Variants in FRMPD2 observed in about 807,000 individuals in gnomAD.
The protein encoded by FRMPD2 is FERM and PDZ domain containing 2.
FRMPD2 carries 96 observed loss-of-function variants against 140.1 expected under a neutral mutation model. The ratio of observed to expected loss-of-function variants is 0.69; its 90% confidence interval spans 0.58 to 0.81. FRMPD2 has a LOEUF of 0.81. Ranked by LOEUF, FRMPD2 falls within the 40% of genes least tolerant of loss-of-function variation. The pLI is 0.00. For synonymous variants in FRMPD2, 449 were observed against 547.6 expected (o/e 0.82, Z 2.52); for missense variants, 1,240 against 1,447.4 (o/e 0.86, Z 2.32).
At chr10:48,206,091 G>T (rs1326211842) in intron 14 of FRMPD2, among the ~76,000 whole-genome samples, 2 of 152,206 alleles carry the variant, frequency 1.3e-5, no homozygotes, top group African/African-American at 4.8e-5. Context: ...ACAGGCAGAG[G>T]CTGTCAGCCA....
rs1838455696 is a variant in FRMPD2, at chr10:48,178,138, G to A, written c.2804C>T (p.Ser935Phe). Reference protein sequence around the residue: ...SFLPLKGAGSSCPPSPPEISA... With the variant: ...SFLPLKGAGSFCPPSPPEISA... ...GATTTCTGGAGGTGATGGAGGACAA[G>A]AAGAACCAGCACCCTGCCATAAACA... The change falls in exon 22 of 29, where the codon TCT (serine) becomes TTT (phenylalanine). Residue 935 changes from serine to phenylalanine, a missense_variant. By Grantham distance (155) the Ser-to-Phe change is radical (BLOSUM62 -2). Transcript: ENST00000374201. The A allele has an allele frequency of 2.0e-6, 3 of 1,531,554 alleles. No homozygotes were observed. The highest frequency in any genetic ancestry group is 4.5e-5 in the East Asian group (2 of 44,454). The allele number at this position is 1,531,554 out of a possible 1,614,324, so 94.9% of individuals were successfully genotyped here. A position where few individuals can be genotyped will look rare whatever the true frequency, so the allele number is the denominator to read the frequency against.
At chr10:48,213,547 T>A (rs1253037124) in intron 12 of FRMPD2, among the ~76,000 whole-genome samples, 1 of 152,234 alleles carries the variant, frequency 6.6e-6, no homozygotes, top group African/African-American at 2.4e-5. Context: ...AACAGCCTTA[T>A]TCATAATTGC....
At chr10:48,201,080 T>C in intron 15 of FRMPD2, 148 bp downstream of exon 15, 1 of 511,018 alleles carries the variant, frequency 2.0e-6, no homozygotes, top group Middle Eastern at 4.9e-4. Flanking sequence ...AATAAAACTG[T>C]ATTTCATTTT....
chr10:48,204,199 T>C (rs1839151071), intron 14 of FRMPD2, among the ~76,000 whole-genome samples: 1 of 152,186 alleles, frequency 6.6e-6, no homozygotes, highest in South Asian at 2.1e-4. Flanking sequence ...AATGAAAAAC[T>C]ATAATTTAGT....
Position 48,180,948 on chromosome 10 carries a change from GA to G in FRMPD2, c.2644del (p.Ser882LeufsTer5). ...GTACCCGAAGCTCAGGATGTCTGTA[GA>G]GGAGACCCCAGAATTGGCTGTGCTA... Reference protein sequence around the residue: ...KNSTANSGVSSTDILSFGYQG... With the variant: ...KNSTANSGVSXTDILSFGYQG... On this transcript the variant is annotated frameshift_variant, in exon 21 of 29. Coordinates refer to ENST00000374201, the MANE Select transcript of FRMPD2 (RefSeq NM_001018071.4). LOFTEE classifies it high-confidence loss of function. The G allele has an allele frequency of 1.0e-6, 1 of 976,736 alleles. No homozygotes were observed. The highest frequency in any genetic ancestry group is 1.7e-6 in the Non-Finnish European group (1 of 602,300). 60.5% of individuals were successfully genotyped at this position (976,736 alleles called of 1,614,324 possible). A position where few individuals can be genotyped will look rare whatever the true frequency, so the allele number is the denominator to read the frequency against.
chr10:48,260,305 T>A (rs1840563014), intron 1 of FRMPD2, among the ~76,000 whole-genome samples: 1 of 151,964 alleles, frequency 6.6e-6, no homozygotes, highest in African/African-American at 2.4e-5. Flanking sequence ...ACCCAGGAAA[T>A]GCAATGGTAT....
At chr10:48,264,787 T>C (rs1445899895) in intron 1 of FRMPD2, among the ~76,000 whole-genome samples, 1 of 152,086 alleles carries the variant, frequency 6.6e-6, no homozygotes, top group Non-Finnish European at 1.5e-5. Context: ...AACAACTAAT[T>C]CTAAAGTTTA....
At chr10:48,257,604 G>A (rs185441078) in intron 1 of FRMPD2, among the ~76,000 whole-genome samples, 78 of 152,150 alleles carry the variant, frequency 5.1e-4, no homozygotes, top group African/African-American at 1.9e-3. Flanking sequence ...TTTAGAGGGA[G>A]GCTTTATTCA....
At chr10:48,223,730 C>A (rs1839662157) in intron 10 of FRMPD2, among the ~76,000 whole-genome samples, 1 of 152,180 alleles carries the variant, frequency 6.6e-6, no homozygotes, top group African/African-American at 2.4e-5. Context: ...AACCCTAACA[C>A]CCAATCTGAT....
At chr10:48,190,708 T>G (rs1257701023) in intron 16 of FRMPD2, among the ~76,000 whole-genome samples, 1 of 152,206 alleles carries the variant, frequency 6.6e-6, no homozygotes, top group East Asian at 1.9e-4. Context: ...TTAAGGGTCA[T>G]GAAAATTTGG....
At chr10:48,249,658 C>T (rs1056017418) in intron 2 of FRMPD2, among the ~76,000 whole-genome samples, 1 of 152,228 alleles carries the variant, frequency 6.6e-6, no homozygotes, top group Non-Finnish European at 1.5e-5. Context: ...TAATGTTTCA[C>T]TCCAGGAGCC....
intron 12 of FRMPD2, among the ~76,000 whole-genome samples, chr10:48,214,925 G>A (rs906485482): frequency 6.6e-6 from 1 of 152,248 alleles, no homozygotes; most frequent in Admixed American, 6.5e-5. Context: ...GAGTGAGAAA[G>A]AATGCAAATT....
chr10:48,188,277 G>A (rs1838739785), intron 16 of FRMPD2, among the ~76,000 whole-genome samples: 1 of 152,154 alleles, frequency 6.6e-6, no homozygotes, highest in Admixed American at 6.5e-5. Flanking sequence ...GTGACACCAG[G>A]GCTCTCTCTG....
chr10:48,161,665 G>C (rs532529401), intron 28 of FRMPD2, among the ~76,000 whole-genome samples: 12 of 151,424 alleles, frequency 7.9e-5, no homozygotes, highest in South Asian at 6.2e-4. Context: ...ATGATAAAAT[G>C]GGTCATTCAA....
In FRMPD2 at chr10:48,244,811, T is replaced by A; in HGVS notation, c.348A>T (p.Ser116=). 1 of 1,613,732 alleles carries A rather than the reference T, an allele frequency of 6.2e-7. No individual in the cohort carries two copies. The part of the protein sequence containing the change: ...VYSLGMTLYW[S]AGFHVPPHQP... ...GATGTGGCGGAACATGAAACCCTGC[T>A]GACCAGTAGAGGGTCATTCCTAAAG... The change falls in exon 4 of 29, where the codon TCA becomes TCT. Residue 116 remains serine, a synonymous_variant. Coordinates refer to ENST00000374201, the MANE Select transcript of FRMPD2 (RefSeq NM_001018071.4).
intron 16 of FRMPD2, among the ~76,000 whole-genome samples, chr10:48,191,968 G>T (rs1838839369): frequency 6.6e-6 from 1 of 152,206 alleles, no homozygotes; most frequent in African/African-American, 2.4e-5. Context: ...TCTCTGTGAT[G>T]TGATGAGAAC....
At chr10:48,193,254 C>T (rs1838880804) in intron 15 of FRMPD2, among the ~76,000 whole-genome samples, 1 of 152,184 alleles carries the variant, frequency 6.6e-6, no homozygotes, top group Non-Finnish European at 1.5e-5. Context: ...CTTCTGCTTT[C>T]TGCTTTTACA....
At chr10:48,206,691 G>A (rs1022020363) in intron 14 of FRMPD2, 57 bp downstream of exon 14, 2 of 1,465,710 alleles carry the variant, frequency 1.4e-6, no homozygotes, top group Non-Finnish European at 1.9e-6. Context: ...CCTTTAAACG[G>A]CCAACAAATC....
intron 10 of FRMPD2, among the ~76,000 whole-genome samples, chr10:48,223,703 C>T (rs1370463507): frequency 6.6e-6 from 1 of 152,088 alleles, no homozygotes; most frequent in African/African-American, 2.4e-5. Context: ...GTGTGTCCTC[C>T]CAAATCCATA....
Sources: allele counts gnomAD v4.1 joint callset (sites outside exome capture counted in the v4.1 genomes callset), GRCh38; gene constraint gnomAD v4.1.1; transcripts MANE v1.5; gene names NCBI Gene and HGNC (gene_info 2026-07-23, HGNC 2026-07-21).